SORD: variants seen among roughly 807,000 people sequenced by gnomAD.
SORD encodes sorbitol dehydrogenase.
In SORD, 18 loss-of-function variants were observed where a neutral mutation model predicts 35.6. That is an observed-to-expected ratio of 0.51 (90% CI 0.35 to 0.75). The LOEUF (loss-of-function observed/expected upper bound fraction) is 0.75. Among genes scored for constraint, SORD ranks in the 30% least tolerant of loss-of-function variants. SORD has a pLI of 0.01. For synonymous variants in SORD, 106 were observed against 152.9 expected, an observed-to-expected ratio of 0.69 and a Z score of 2.26; for missense variants, 250 against 390.2, an observed-to-expected ratio of 0.64 and a Z score of 3.03.
intron 5 of SORD, 63 bp downstream of exon 5, chr15:45,065,452 C>T: frequency 1.3e-6 from 2 of 1,538,780 alleles, no homozygotes; most frequent in East Asian, 2.3e-5. Context: ...ACCCTCTGCC[C>T]ATCTCATTCC....
chr15:45,075,440 ATGTCTGC>A lies in SORD; in HGVS notation c.*1913_*1919del, dbSNP rs1893575647. 1 of 128,766 alleles carries A rather than the reference ATGTCTGC, an allele frequency of 7.8e-6. No individual in the cohort carries two copies. The highest frequency in any genetic ancestry group is 1.5e-5 in the Non-Finnish European group (1 of 66,238). The allele number at this position is 128,766 out of a possible 1,614,324, so 8.0% of individuals were successfully genotyped here. A position where few individuals can be genotyped will look rare whatever the true frequency, so the allele number is the denominator to read the frequency against. Reference sequence around the variant, plus strand: ...TGAGGGGCAGAGGCTCTACCAGAGAATGTCTGCTGGTGTCTTGGAGGCACTTCCTGCA... The same window carrying A: ...TGAGGGGCAGAGGCTCTACCAGAGAATGGTGTCTTGGAGGCACTTCCTGCA... On this transcript the variant is annotated 3_prime_UTR_variant, in exon 9 of 9. Coordinates refer to ENST00000267814, the MANE Select transcript of SORD (RefSeq NM_003104.6).
chr15:45,069,188 C>G (rs1258659746), intron 7 of SORD, 136 bp downstream of exon 7: 2 of 140,234 alleles, frequency 1.4e-5, no homozygotes, highest in Non-Finnish European at 2.7e-5. Context: ...TCTATGTTTT[C>G]TTTTTCTTTT....
At chr15:45,027,767 T>C (rs2600894) in intron 1 of SORD, among the ~76,000 whole-genome samples, 30,496 of 150,374 alleles carry the variant, frequency 0.2, 15 homozygotes, top group African/African-American at 0.43. Flanking sequence ...GAATATAAAA[T>C]AGTCAAATTA....
intron 3 of SORD, among the ~76,000 whole-genome samples, chr15:45,050,885 C>A (rs960191031): frequency 6.6e-6 from 1 of 152,174 alleles, no homozygotes; most frequent in East Asian, 1.9e-4. Flanking sequence ...CAAGGATTAG[C>A]AATGTTTTAA....
At chr15:45,036,414 A>G (rs1892867144) in intron 1 of SORD, 1 of 453,834 alleles carries the variant, frequency 2.2e-6, no homozygotes, top group Non-Finnish European at 4.4e-6. Flanking sequence ...AAATTCGGCC[A>G]GGCACAGTGG....
rs755616737 is a variant in SORD, at chr15:45,073,560, G to A, written c.*30G>A. ...AATGGGCTCTGCCCTCATCCCCACA[G>A]TCTTGGGATCTCAGGGCACAATGGC... On this transcript the variant is annotated 3_prime_UTR_variant, in exon 9 of 9. Coordinates refer to ENST00000267814, the MANE Select transcript of SORD (RefSeq NM_003104.6). 9 of 1,595,994 alleles carry A rather than the reference G, an allele frequency of 5.6e-6. 2 individuals carry two copies. The African/African-American group carries it at 1.3e-4, about 23-fold the overall frequency.
intron 6 of SORD, among the ~76,000 whole-genome samples, 153 bp downstream of exon 6, chr15:45,068,399 G>A (rs1893442520): frequency 6.6e-6 from 1 of 152,074 alleles, no homozygotes; most frequent in Non-Finnish European, 1.5e-5. Flanking sequence ...GTGAGTGTGT[G>A]TTTTGTGTTA....
At chr15:45,055,984 G>A (rs1348451479) in intron 3 of SORD, among the ~76,000 whole-genome samples, 26 of 151,408 alleles carry the variant, frequency 1.7e-4, no homozygotes, top group Non-Finnish European at 2.4e-4. Flanking sequence ...TTGATGGGAC[G>A]TATCTCAAAA....
chr15:45,070,619 G>A (rs965318196), intron 7 of SORD: 3 of 152,362 alleles, frequency 2.0e-5, no homozygotes, highest in African/African-American at 7.2e-5. Flanking sequence ...AGCTCAGAGA[G>A]GAACAATGGA....
chr15:45,036,392 T>C (rs1892866348), intron 1 of SORD: 2 of 455,206 alleles, frequency 4.4e-6, no homozygotes, highest in South Asian at 3.1e-5. Context: ...TAGTCACTCA[T>C]TAAAAGATAA....
At chr15:45,066,129 C>T (rs1893400729) in intron 5 of SORD, among the ~76,000 whole-genome samples, 1 of 151,044 alleles carries the variant, frequency 6.6e-6, no homozygotes, top group African/African-American at 2.4e-5. Context: ...CCTGTAGTCC[C>T]AGCTACTTGG....
intron 3 of SORD, among the ~76,000 whole-genome samples, chr15:45,057,166 A>C (rs1893230644): frequency 6.6e-6 from 1 of 152,256 alleles, no homozygotes; most frequent in Admixed American, 6.5e-5. Flanking sequence ...ACTGAGGAAC[A>C]AATGTGAAAG....
At position 45,036,641 on chromosome 15, in the gene SORD, G is replaced by T. The variant is rs553094642; in HGVS notation, c.67-3767G>T. On this transcript the variant is annotated intron_variant, in intron 1 of 8. Coordinates refer to ENST00000267814, the MANE Select transcript of SORD (RefSeq NM_003104.6). ...CACTTGAGTTCAGGAGGTTGAGGCT[G>T]CAGTGAGCCGAGATCGTGCCACTGC... is the stretch of plus-strand genomic sequence containing the variant. Among the ~76,000 whole-genome samples the T allele has an allele frequency of 7.9e-5, 12 of 152,338 alleles. No individual in the cohort carries two copies. In the South Asian group the frequency reaches 1.7e-3, roughly 21 times the overall value.
At chr15:45,023,472 C>A in intron 1 of SORD, 123 bp downstream of exon 1, 3 of 802,826 alleles carry the variant, frequency 3.7e-6, no homozygotes, top group Non-Finnish European at 5.4e-6. Context: ...GCCCTGGCTG[C>A]CCAGATCCCA....
At chr15:45,038,140 C>CCTTCCTTCT (rs1566958492) in intron 1 of SORD, among the ~76,000 whole-genome samples, 68 of 101,220 alleles carry the variant, frequency 6.7e-4, no homozygotes, top group African/African-American at 2.2e-3. Context: ...TCCTTCCTTC[C>CCTTCCTTCT]TTCCTTCCTT....
intron 3 of SORD, among the ~76,000 whole-genome samples, chr15:45,055,300 A>C (rs968629367): frequency 1.3e-5 from 2 of 152,210 alleles, no homozygotes; most frequent in African/African-American, 4.8e-5. Context: ...AAAAATGATA[A>C]AGGGGATATC....
chr15:45,068,866 TTTAC>T lies in SORD; in HGVS notation c.611-10_611-7del. On this transcript the variant is annotated splice_region_variant and splice_polypyrimidine_tract_variant and intron_variant, in intron 6 of 8. Coordinates refer to ENST00000267814, the MANE Select transcript of SORD (RefSeq NM_003104.6). ...TGAAAGAATTTTTTTTTTTTTTTTT[TTTAC>T]CTTCAGATCTGTCTGCTACCCGATT... 7.2e-7 allele frequency: 1 copy of T among 1,395,240 alleles called. No homozygotes were observed. Among genetic ancestry groups the T allele is most frequent in the South Asian group, 1.6e-5 (1 of 62,286 alleles). The allele number at this position is 1,395,240 out of a possible 1,614,324, so 86.4% of individuals were successfully genotyped here. A position where few individuals can be genotyped will look rare whatever the true frequency, so the allele number is the denominator to read the frequency against.
chr15:45,036,288 T>C (rs888077950), intron 1 of SORD: 85 of 455,292 alleles, frequency 1.9e-4, no homozygotes, highest in Admixed American at 3.8e-4. Context: ...ATATATGTGA[T>C]TAAGATATGT....
intron 1 of SORD, among the ~76,000 whole-genome samples, chr15:45,039,103 G>C (rs556388471): frequency 6.6e-6 from 1 of 151,984 alleles, no homozygotes; most frequent in Admixed American, 6.5e-5. Context: ...GCACATGGCA[G>C]GTTCTGTGAA....
Sources: gnomAD v4.1 joint callset for allele counts (sites outside exome capture counted in the v4.1 genomes callset) on GRCh38, gnomAD v4.1.1 for gene constraint, MANE v1.5 for transcripts, NCBI Gene and HGNC (gene_info 2026-07-23, HGNC 2026-07-21) for gene names.